The following CACNB2 variants were observed in gnomAD, a reference collection of about 807,000 sequenced individuals.
The protein encoded by CACNB2 is voltage-dependent L-type calcium channel subunit beta-2.
In CACNB2, 42 loss-of-function variants were observed where a neutral mutation model predicts 73.3. That is an observed-to-expected ratio of 0.57 (90% CI 0.45 to 0.74). The LOEUF is 0.74. Ranked by LOEUF, CACNB2 falls within the 30% of genes least tolerant of loss-of-function variation. The pLI is 0.00. For missense variants in CACNB2, 940 were observed against 853.0 expected, an observed-to-expected ratio of 1.10 and a Z score of -1.27; for synonymous variants, 348 against 310.3, an observed-to-expected ratio of 1.12 and a Z score of -1.28.
chr10:18,253,834 C>T (rs539340868), intron 2 of CACNB2, among the ~76,000 whole-genome samples: 6 of 152,130 alleles, frequency 3.9e-5, no homozygotes, highest in African/African-American at 1.4e-4. Context: ...GAAGTTTGGG[C>T]GCGAAGACAA....
chr10:18,194,918 A>T (rs1037040693), intron 2 of CACNB2, among the ~76,000 whole-genome samples: 13 of 152,178 alleles, frequency 8.5e-5, no homozygotes, highest in Admixed American at 7.9e-4. Flanking sequence ...CAGAAGATTC[A>T]TTTCAGAAAT....
chr10:18,446,278 T>C (rs984335174), intron 3 of CACNB2, among the ~76,000 whole-genome samples: 3 of 152,178 alleles, frequency 2.0e-5, no homozygotes, highest in African/African-American at 4.8e-5. Context: ...TTCTGTGTGA[T>C]TGACTATTTT....
At chr10:18,480,759 C>T (rs982665477) in intron 3 of CACNB2, among the ~76,000 whole-genome samples, 5 of 152,174 alleles carry the variant, frequency 3.3e-5, no homozygotes, top group African/African-American at 4.8e-5. Flanking sequence ...AATTTATCCC[C>T]TGCTGGTGGG....
At chr10:18,258,194 G>A (rs1004787336) in intron 2 of CACNB2, among the ~76,000 whole-genome samples, 1 of 152,196 alleles carries the variant, frequency 6.6e-6, no homozygotes, top group African/African-American at 2.4e-5. Context: ...TCCTTTTGTG[G>A]ATTCTTGAAT....
chr10:18,499,564 G>A (rs891333643), intron 4 of CACNB2, among the ~76,000 whole-genome samples: 9 of 137,862 alleles, frequency 6.5e-5, no homozygotes, highest in South Asian at 2.3e-4. Flanking sequence ...GCAGTGAGCC[G>A]AGATTGCGCC....
intron 2 of CACNB2, among the ~76,000 whole-genome samples, chr10:18,190,218 A>G (rs1857424): frequency 0.59 from 90,091 of 152,050 alleles, 27,632 homozygotes; most frequent in Non-Finnish European, 0.67. Context: ...ATTTGCACCT[A>G]TGACCCACAG....
intron 3 of CACNB2, among the ~76,000 whole-genome samples, chr10:18,463,233 C>A (rs1200925924): frequency 6.6e-6 from 1 of 152,106 alleles, no homozygotes; most frequent in African/African-American, 2.4e-5. Flanking sequence ...TCAGAATCCT[C>A]CTGTTCTTGG....
Position 18,541,110 on chromosome 10 carries a change from A to T in CACNB2, c.*1386A>T, listed in dbSNP as rs1480587971. The T allele has an allele frequency of 1.3e-5, 2 of 152,566 alleles. No homozygotes were observed. Among genetic ancestry groups the T allele is most frequent in the African/African-American group, 4.8e-5 (2 of 41,430 alleles). 9.5% of individuals were successfully genotyped at this position (152,566 alleles called of 1,614,324 possible). A position where few individuals can be genotyped will look rare whatever the true frequency, so the allele number is the denominator to read the frequency against. ...AAAATAAATTTTTATAACTTCTCCCACTTCAATTTCTAACCTTGCCTATTG... is the reference window on the plus strand; with the variant it reads ...AAAATAAATTTTTATAACTTCTCCCTCTTCAATTTCTAACCTTGCCTATTG... On this transcript the variant is annotated 3_prime_UTR_variant, in exon 14 of 14. Transcript: ENST00000324631.
chr10:18,300,541 C>T (rs573022121), intron 2 of CACNB2, among the ~76,000 whole-genome samples: 2 of 152,366 alleles, frequency 1.3e-5, no homozygotes, highest in East Asian at 3.9e-4. Context: ...GAACCTATTA[C>T]AGCAATGACA....
intron 3 of CACNB2, among the ~76,000 whole-genome samples, chr10:18,483,463 G>A (rs188144852): frequency 2.1e-4 from 31 of 150,778 alleles, no homozygotes; most frequent in Middle Eastern, 3.4e-3. Flanking sequence ...CCCGGGAGGC[G>A]GAGGTTGCAG....
chr10:18,419,241 T>C (rs565841937), intron 3 of CACNB2, among the ~76,000 whole-genome samples: 1 of 152,328 alleles, frequency 6.6e-6, no homozygotes, highest in African/African-American at 2.4e-5. Flanking sequence ...GAGGATTCAA[T>C]AGGTCACATA....
intron 2 of CACNB2, among the ~76,000 whole-genome samples, chr10:18,277,747 G>A (rs2038361946): frequency 6.6e-6 from 1 of 152,066 alleles, no homozygotes; most frequent in Non-Finnish European, 1.5e-5. Context: ...TGTTATTCTT[G>A]GGGGATGTAA....
chr10:18,469,945 C>T (rs1037350648), intron 3 of CACNB2, among the ~76,000 whole-genome samples: 3 of 152,120 alleles, frequency 2.0e-5, no homozygotes, highest in Non-Finnish European at 4.4e-5. Context: ...AGTCCTGGTT[C>T]TATTCATCTT....
In CACNB2 at chr10:18,514,523, A is replaced by G. The variant is rs2051085973; in HGVS notation, c.804+154A>G. On this transcript the variant is annotated intron_variant, in intron 7 of 13. Coordinates refer to ENST00000324631, the MANE Select transcript of CACNB2 (RefSeq NM_201596.3). ...CATGCTGCTGTAGCTAAGCAGAAGC[A>G]GAAATCGGTAAGTTTACATTGACAT... 2.5e-6 allele frequency: 4 copies of G among 1,613,948 alleles called. No homozygotes were observed. The East Asian group carries it at 8.9e-5, about 36-fold the overall frequency.
intron 2 of CACNB2, among the ~76,000 whole-genome samples, chr10:18,241,063 C>G (rs1654012489): frequency 6.6e-6 from 1 of 152,202 alleles, no homozygotes; most frequent in South Asian, 2.1e-4. Flanking sequence ...TTTGGAAAGG[C>G]TGATCAGAAA....
chr10:18,280,641 A>G lies in CACNB2; in HGVS notation c.214-121283A>G, dbSNP rs115942659. 4.2e-3 allele frequency among the ~76,000 whole-genome samples: 635 copies of G among 152,306 alleles called. 2 individuals carry two copies. The highest frequency in any genetic ancestry group is 0.015 in the African/African-American group (608 of 41,562). ...CAGTACACAGAATGTACAACTGTAC[A>G]TGGCAGCCCTGTCTTCACTGTCTTC... On this transcript the variant is annotated intron_variant, in intron 2 of 13. Coordinates refer to ENST00000324631, the MANE Select transcript of CACNB2 (RefSeq NM_201596.3).
intron 2 of CACNB2, among the ~76,000 whole-genome samples, chr10:18,367,802 C>G (rs1443604797): frequency 1.3e-5 from 2 of 152,152 alleles, no homozygotes; most frequent in Admixed American, 1.3e-4. Flanking sequence ...AAACCATATA[C>G]TTCTTTGAAA....
chr10:18,329,419 C>T (rs2040710661), intron 2 of CACNB2, among the ~76,000 whole-genome samples: 1 of 150,846 alleles, frequency 6.6e-6, no homozygotes, highest in Admixed American at 6.6e-5. Context: ...GAGATGAATC[C>T]TGCCGATAAT....
chr10:18,362,948 A>G (rs1464097403), intron 2 of CACNB2, among the ~76,000 whole-genome samples: 1 of 152,124 alleles, frequency 6.6e-6, no homozygotes, highest in Non-Finnish European at 1.5e-5. Flanking sequence ...AGGAAATGCA[A>G]GTAGAATGTT....
Sources: allele counts gnomAD v4.1 joint callset (sites outside exome capture counted in the v4.1 genomes callset), GRCh38; gene constraint gnomAD v4.1.1; transcripts MANE v1.5; gene names NCBI Gene and HGNC (gene_info 2026-07-23, HGNC 2026-07-21).